The following HDAC8 variants were observed in gnomAD, a reference collection of about 807,000 sequenced individuals.
HDAC8 encodes histone deacetylase 8.
A neutral mutation model predicts 32.2 loss-of-function variants in HDAC8; 1 was observed. The ratio of observed to expected loss-of-function variants is 0.03; its 90% CI spans 0.01 to 0.15. The LOEUF (loss-of-function observed/expected upper bound fraction) is 0.15, where lower values mean the gene tolerates loss of function less well. HDAC8 is among the 10% of genes least tolerant of loss of function. HDAC8 has a pLI of 1.00. For missense variants in HDAC8, 117 were observed against 300.0 expected (o/e 0.39, Z 4.51); for synonymous variants, 108 against 113.9 (o/e 0.95, Z 0.33).
intron 9 of HDAC8, among the ~76,000 whole-genome samples, chrX:72,454,909 A>G (rs1230459827): frequency 8.9e-6 from 1 of 112,571 alleles, no homozygotes; most frequent in Non-Finnish European, 1.9e-5. Flanking sequence ...TGTTTATTTA[A>G]ACATTTAGCT....
At chrX:72,404,895 A>T (rs2045997209) in intron 9 of HDAC8, among the ~76,000 whole-genome samples, 1 of 110,544 alleles carries the variant, frequency 9.0e-6, no homozygotes, top group African/African-American at 3.3e-5. Context: ...GAATCTGCAG[A>T]TTGTTGTTTT....
At chrX:72,512,387 T>A (rs1364210855) in intron 4 of HDAC8, among the ~76,000 whole-genome samples, 1 of 111,705 alleles carries the variant, frequency 9.0e-6, no homozygotes, top group Non-Finnish European at 1.9e-5. Context: ...TGCCCTTGAG[T>A]TCACAACTGA....
At chrX:72,430,610 T>C (rs1555977101) in intron 9 of HDAC8, among the ~76,000 whole-genome samples, 1 of 112,365 alleles carries the variant, frequency 8.9e-6, no homozygotes, top group Non-Finnish European at 1.9e-5. Flanking sequence ...ACTTAGCAAC[T>C]TGAACACTAG....
At chrX:72,359,367 G>A (rs1195337837) in intron 9 of HDAC8, among the ~76,000 whole-genome samples, 1 of 111,105 alleles carries the variant, frequency 9.0e-6, no homozygotes, top group Non-Finnish European at 1.9e-5. Flanking sequence ...GAAATAAAAT[G>A]ATTGGGATTC....
At chrX:72,521,564 A>G (rs1040846505) in intron 4 of HDAC8, among the ~76,000 whole-genome samples, 2 of 111,209 alleles carry the variant, frequency 1.8e-5, no homozygotes, top group Non-Finnish European at 3.8e-5. Flanking sequence ...CTTGTTCACC[A>G]GAAATTAAAG....
chrX:72,521,063 T>C (rs1193045656), intron 4 of HDAC8, among the ~76,000 whole-genome samples: 1 of 112,289 alleles, frequency 8.9e-6, no homozygotes, highest in Non-Finnish European at 1.9e-5. Flanking sequence ...ATGTGCATTT[T>C]CCTCTTTGTA....
intron 4 of HDAC8, among the ~76,000 whole-genome samples, chrX:72,557,245 T>C (rs1432075532): frequency 1.8e-5 from 2 of 111,618 alleles, no homozygotes; most frequent in Non-Finnish European, 3.8e-5. Context: ...AACTGCAGAA[T>C]ATACATTCTA....
intron 9 of HDAC8, among the ~76,000 whole-genome samples, chrX:72,355,564 A>G (rs1399487056): frequency 1.8e-5 from 2 of 111,632 alleles, no homozygotes; most frequent in African/African-American, 6.5e-5. Flanking sequence ...TGGCTATTCT[A>G]GGGTAGTTGG....
intron 10 of HDAC8, chrX:72,351,170 G>A: frequency 5.9e-6 from 1 of 169,754 alleles, no homozygotes; most frequent in Non-Finnish European, 1.1e-5. Context: ...TGTGGGCATG[G>A]CTCACTGCAG....
chrX:72,395,021 C>T (rs1602677056), intron 9 of HDAC8, among the ~76,000 whole-genome samples: 1 of 111,286 alleles, frequency 9.0e-6, no homozygotes. Context: ...CCCAGAGTAA[C>T]ACATAGTCCC....
Position 72,508,908 on chromosome X carries a change from G to A in HDAC8, c.438-13640C>T, listed in dbSNP as rs781799306. 6.3e-5 allele frequency among the ~76,000 whole-genome samples: 7 copies of A among 111,791 alleles called. 1 individual carries two copies. In the South Asian group the frequency reaches 1.5e-3, roughly 24 times the overall value. ...TTAAAGCAATAGAAAACAAAGAAAC[G>A]TATGATTGACATACCAAAAGCTGTA... On this transcript the variant is annotated intron_variant, in intron 4 of 10. Coordinates refer to ENST00000373573, the MANE Select transcript of HDAC8 (RefSeq NM_018486.3).
intron 9 of HDAC8, among the ~76,000 whole-genome samples, chrX:72,415,677 T>C (rs1281921355): frequency 8.9e-6 from 1 of 112,267 alleles, no homozygotes; most frequent in Non-Finnish European, 1.9e-5. Context: ...TTTCAGTTTT[T>C]AAAATCCAAT....
At chrX:72,506,705 C>T (rs2049402376) in intron 4 of HDAC8, among the ~76,000 whole-genome samples, 1 of 111,182 alleles carries the variant, frequency 9.0e-6, no homozygotes, top group Non-Finnish European at 1.9e-5. Context: ...AGACTGTGGA[C>T]AAACAACATT....
intron 4 of HDAC8, among the ~76,000 whole-genome samples, chrX:72,550,466 T>A (rs1204190434): frequency 9.0e-6 from 1 of 110,785 alleles, no homozygotes; most frequent in Non-Finnish European, 1.9e-5. Flanking sequence ...ATGTTCACAG[T>A]CATTCTACTC....
rs192290397 is a variant in HDAC8, at chrX:72,369,403, A to G, written c.1006-17565T>C. Among the ~76,000 whole-genome samples the G allele has an allele frequency of 3.9e-3, 441 of 112,220 alleles. 3 individuals are homozygous for G. The highest frequency in any genetic ancestry group is 0.013 in the African/African-American group (417 of 30,920). On this transcript the variant is annotated intron_variant, in intron 9 of 10. Coordinates refer to ENST00000373573, the MANE Select transcript of HDAC8 (RefSeq NM_018486.3). Reference sequence around the variant, plus strand: ...TGAAGATGTTGCATGGATTGAATCAATGAGAAGCTTGACTGAGATCCTGGT... The same window carrying G: ...TGAAGATGTTGCATGGATTGAATCAGTGAGAAGCTTGACTGAGATCCTGGT...
chrX:72,470,022 C>T (rs1252798693), intron 7 of HDAC8, among the ~76,000 whole-genome samples: 1 of 109,664 alleles, frequency 9.1e-6, no homozygotes, highest in African/African-American at 3.3e-5. Context: ...GTGGTGGGCA[C>T]CTGTAATCCC....
chrX:72,339,131 C>T (rs1174108271), intron 10 of HDAC8, among the ~76,000 whole-genome samples: 1 of 111,597 alleles, frequency 9.0e-6, no homozygotes, highest in African/African-American at 3.3e-5. Context: ...CTTGGCCAGC[C>T]GGTGTCCAGG....
chrX:72,462,176 G>C, intron 8 of HDAC8, 78 bp from the exon 9 acceptor site: 1 of 774,688 alleles, frequency 1.3e-6, no homozygotes, highest in South Asian at 2.4e-5. Flanking sequence ...TAAGGAAAGA[G>C]AGAAAAATGT....
intron 7 of HDAC8, among the ~76,000 whole-genome samples, chrX:72,472,074 T>A (rs2048196396): frequency 9.5e-6 from 1 of 105,604 alleles, no homozygotes; most frequent in African/African-American, 3.4e-5. Flanking sequence ...TTTTATTTAT[T>A]TTTTTTTTTT....
Sources: gnomAD v4.1 joint callset for allele counts (sites outside exome capture counted in the v4.1 genomes callset) on GRCh38, gnomAD v4.1.1 for gene constraint, MANE v1.5 for transcripts, NCBI Gene and HGNC (gene_info 2026-07-23, HGNC 2026-07-21) for gene names.